DCP1A: variants seen among roughly 807,000 people sequenced by gnomAD.
The protein encoded by DCP1A is mRNA-decapping enzyme 1A.
In DCP1A, 20 loss-of-function variants were observed where a neutral mutation model predicts 58.0. The ratio of observed to expected loss-of-function variants is 0.34; its 90% CI spans 0.24 to 0.50. DCP1A has a LOEUF of 0.50. DCP1A is among the 20% of genes least tolerant of loss of function. The pLI, the probability that DCP1A is intolerant of heterozygous loss-of-function variation, is 0.98. For synonymous variants in DCP1A, 285 were observed against 275.1 expected (o/e 1.04, Z -0.36); for missense variants, 613 against 712.2 (o/e 0.86, Z 1.59).
chr3:53,287,790 A>C lies in DCP1A; in HGVS notation c.1669-130T>G, dbSNP rs1023958230. ...TAACTGATAATCCCACCACCCAGAG[A>C]CAATCATGATTAATATTTTGAGTTC... On this transcript the variant is annotated intron_variant, in intron 9 of 9. Coordinates refer to ENST00000610213, the MANE Select transcript of DCP1A (RefSeq NM_018403.7). The C allele has an allele frequency of 9.5e-5, 66 of 692,446 alleles. 1 individual carries two copies. Among genetic ancestry groups the C allele is most frequent in the Middle Eastern group, 3.7e-4 (1 of 2,668 alleles). The allele number at this position is 692,446 out of a possible 1,614,324, so 42.9% of individuals were successfully genotyped here.
rs1359300693 is a variant in DCP1A at position 53,315,757 on chromosome 3, G to GT, written c.372-3379dup. ...AATCAGTTTGTTGTTTTTTTTTTTT[G>GT]TTTTTTTTTTTTTTGAGACGGAGTC... is the stretch of plus-strand genomic sequence containing the variant. On this transcript the variant is annotated intron_variant, in intron 4 of 9. Transcript: ENST00000610213. Among the ~76,000 whole-genome samples the GT allele has an allele frequency of 8.4e-4, 92 of 109,866 alleles. 5 individuals are homozygous for GT. The highest frequency in any genetic ancestry group is 2.1e-3 in the East Asian group (7 of 3,396). 72.1% of individuals were successfully genotyped at this position (109,866 alleles called of 152,430 possible).
At position 53,347,526 on chromosome 3, in the gene DCP1A, C is replaced by T. The variant is rs782814499; in HGVS notation, c.-9G>A. ...CGACTCAGCGCCTCCATCTTGAATC[C>T]CAGAGCCTAGCCCCTCTGGTGGGGG... On this transcript the variant is annotated 5_prime_UTR_variant, in exon 1 of 10. Coordinates refer to ENST00000610213, the MANE Select transcript of DCP1A (RefSeq NM_018403.7). The T allele has an allele frequency of 1.2e-6, 2 of 1,608,018 alleles. No homozygotes were observed. The highest frequency in any genetic ancestry group is 1.3e-5 in the African/African-American group (1 of 74,792).
chr3:53,329,307 T>C (rs1362871636), intron 3 of DCP1A: 5 of 398,334 alleles, frequency 1.3e-5, no homozygotes, highest in Non-Finnish European at 1.8e-5. Flanking sequence ...TTCAACACTA[T>C]GGAAATGAAC....
chr3:53,315,534 CAA>C (rs1211486616), intron 4 of DCP1A, among the ~76,000 whole-genome samples: 131 of 64,992 alleles, frequency 2.0e-3, no homozygotes, highest in East Asian at 9.3e-3. Context: ...GACTCTGTCT[CAA>C]AAAAAAAAAA....
At position 53,314,645 on chromosome 3, in the gene DCP1A, G is replaced by T. The variant is rs142878792; in HGVS notation, c.372-2266C>A. Among the ~76,000 whole-genome samples the T allele has an allele frequency of 2.4e-3, 345 of 146,344 alleles. 1 individual carries two copies. Among genetic ancestry groups the T allele is most frequent in the African/African-American group, 8.0e-3 (320 of 40,064 alleles). ...ATTCTGTGATTATTTTGGTTTAAGA[G>T]AAGAATATTTCTTTTCTTTTTCTTT... On this transcript the variant is annotated intron_variant, in intron 4 of 9. Coordinates refer to ENST00000610213, the MANE Select transcript of DCP1A (RefSeq NM_018403.7).
intron 6 of DCP1A, among the ~76,000 whole-genome samples, chr3:53,299,851 C>T (rs1707254715): frequency 6.6e-6 from 1 of 152,160 alleles, no homozygotes. Flanking sequence ...AATTTTGTCA[C>T]TATAACCTAA....
intron 3 of DCP1A, among the ~76,000 whole-genome samples, chr3:53,327,674 C>T (rs1321645740): frequency 6.6e-6 from 1 of 151,502 alleles, no homozygotes; most frequent in Non-Finnish European, 1.5e-5. Flanking sequence ...GCCTGTAATC[C>T]CAGCTACTGG....
At chr3:53,304,721 A>G (rs1553687799) in intron 5 of DCP1A, among the ~76,000 whole-genome samples, 1 of 151,166 alleles carries the variant, frequency 6.6e-6, no homozygotes, top group East Asian at 1.9e-4. Flanking sequence ...TACAGGTGCA[A>G]GCCACCATGT....
Position 53,345,547 on chromosome 3 carries a change from T to G in DCP1A, c.136-605A>C, listed in dbSNP as rs185450051. 3.3e-5 allele frequency among the ~76,000 whole-genome samples: 5 copies of G among 152,282 alleles called. No individual in the cohort carries two copies. The East Asian group carries it at 9.6e-4, about 29-fold the overall frequency. ...GAGGCCTTTACCATAGTTCATTTTCTGTGACAAGAGTGTATTTAGGTTTTA... is the reference window on the plus strand; with the variant it reads ...GAGGCCTTTACCATAGTTCATTTTCGGTGACAAGAGTGTATTTAGGTTTTA... On this transcript the variant is annotated intron_variant, in intron 1 of 9. Transcript: ENST00000610213.
intron 5 of DCP1A, among the ~76,000 whole-genome samples, chr3:53,305,235 G>A (rs1707433118): frequency 6.6e-6 from 1 of 152,136 alleles, no homozygotes; most frequent in Non-Finnish European, 1.5e-5. Context: ...ATATAAATAC[G>A]TGAGTGTTTA....
At chr3:53,334,505 T>C (rs782149810) in intron 3 of DCP1A, among the ~76,000 whole-genome samples, 10 of 152,234 alleles carry the variant, frequency 6.6e-5, no homozygotes, top group Non-Finnish European at 1.0e-4. Context: ...ATTTATGTTC[T>C]GCGGTGGAAT....
At position 53,342,123 on chromosome 3, in the gene DCP1A, T is replaced by C. The variant is rs782778683; in HGVS notation, c.304+21A>G. 31 of 1,573,538 alleles carry C rather than the reference T, an allele frequency of 2.0e-5. No homozygotes were observed. The Admixed American group carries it at 2.9e-4, about 15-fold the overall frequency. ...CACTCAATTTTAAATGTAATAACTATAATAAAACAGATATACTCACAGCTT... is the reference window on the plus strand; with the variant it reads ...CACTCAATTTTAAATGTAATAACTACAATAAAACAGATATACTCACAGCTT... On this transcript the variant is annotated intron_variant, in intron 3 of 9. Transcript: ENST00000610213.
At chr3:53,331,785 T>C (rs530776971) in intron 3 of DCP1A, among the ~76,000 whole-genome samples, 23 of 152,136 alleles carry the variant, frequency 1.5e-4, no homozygotes, top group Non-Finnish European at 3.4e-4. Context: ...ACATAGATAT[T>C]AAAAAAAGAT....
chr3:53,288,287 GA>G lies in DCP1A; in HGVS notation c.1450-5del. 4 of 1,601,172 alleles carry G rather than the reference GA, an allele frequency of 2.5e-6. No individual in the cohort carries two copies. Among genetic ancestry groups the G allele is most frequent in the Non-Finnish European group, 3.4e-6 (4 of 1,173,666 alleles). On this transcript the variant is annotated splice_region_variant and splice_polypyrimidine_tract_variant and intron_variant, in intron 8 of 9. Transcript: ENST00000610213. ...TAACCAGTGGGGCGCCTGCAACCTG[GA>G]GAGTGACAATGGTCATTTTGTACCG...
intron 6 of DCP1A, among the ~76,000 whole-genome samples, chr3:53,295,541 C>T (rs1553686676): frequency 6.6e-6 from 1 of 152,112 alleles, no homozygotes; most frequent in African/African-American, 2.4e-5. Flanking sequence ...AAAATTACAT[C>T]ATCTTTCTTT....
chr3:53,311,531 TTTA>T (rs1449892242), intron 5 of DCP1A, among the ~76,000 whole-genome samples: 2 of 152,170 alleles, frequency 1.3e-5, no homozygotes, highest in African/African-American at 4.8e-5. Flanking sequence ...TATCAGCTAA[TTTA>T]TAAACTAAAA....
rs1310465509 is a variant in DCP1A, at chr3:53,283,548, C to A, written c.*4032G>T. 6.6e-6 allele frequency: 1 copy of A among 152,134 alleles called. No individual in the cohort carries two copies. The highest frequency in any genetic ancestry group is 2.4e-5 in the African/African-American group (1 of 41,432). The allele number at this position is 152,134 out of a possible 1,614,324, so 9.4% of individuals were successfully genotyped here. A position where few individuals can be genotyped will look rare whatever the true frequency, so the allele number is the denominator to read the frequency against. On this transcript the variant is annotated 3_prime_UTR_variant, in exon 10 of 10. Transcript: ENST00000610213. Reference sequence around the variant, plus strand: ...ATAACTTAATATTTGCAAACATACACAGATGCTATAAAATCCATACCATTA... The same window carrying A: ...ATAACTTAATATTTGCAAACATACAAAGATGCTATAAAATCCATACCATTA...
chr3:53,319,823 C>T (rs1289795892), intron 3 of DCP1A, among the ~76,000 whole-genome samples: 23 of 152,134 alleles, frequency 1.5e-4, no homozygotes, highest in Admixed American at 1.5e-3. Context: ...TTCTAAGATG[C>T]ATTCTAAATT....
Position 53,287,456 on chromosome 3 carries a change from G to C in DCP1A, c.*124C>G. 2.6e-6 allele frequency: 1 copy of C among 388,764 alleles called. No homozygotes were observed. Among genetic ancestry groups the C allele is most frequent in the African/African-American group, 2.3e-5 (1 of 44,008 alleles). 24.1% of individuals were successfully genotyped at this position (388,764 alleles called of 1,614,324 possible). On this transcript the variant is annotated 3_prime_UTR_variant, in exon 10 of 10. Transcript: ENST00000610213. ...CACTTGGAAAACATTCTTAAGAAATGAGTCTCTTTCTCATAGGCTCAATTT... is the reference window on the plus strand; with the variant it reads ...CACTTGGAAAACATTCTTAAGAAATCAGTCTCTTTCTCATAGGCTCAATTT...
Sources: gnomAD v4.1 joint callset for allele counts (sites outside exome capture counted in the v4.1 genomes callset) on GRCh38, gnomAD v4.1.1 for gene constraint, MANE v1.5 for transcripts, NCBI Gene and HGNC (gene_info 2026-07-23, HGNC 2026-07-21) for gene names.